Variants in PTPN3 observed in about 807,000 individuals in gnomAD.
The protein encoded by PTPN3 is tyrosine-protein phosphatase non-receptor type 3.
PTPN3 carries 96 observed loss-of-function variants against 132.7 expected under a neutral mutation model. The ratio of observed to expected loss-of-function variants is 0.72; its 90% CI spans 0.61 to 0.86. The LOEUF (loss-of-function observed/expected upper bound fraction) is 0.86, where lower values mean the gene tolerates loss of function less well. Among genes scored for constraint, PTPN3 ranks in the 40% least tolerant of loss-of-function variants. The pLI, the probability that PTPN3 is intolerant of heterozygous loss-of-function variation, is 0.00. For missense variants in PTPN3, 1,125 were observed against 1,159.6 expected, an observed-to-expected ratio of 0.97 and a Z score of 0.43; for synonymous variants, 398 against 429.0, an observed-to-expected ratio of 0.93 and a Z score of 0.89.
chr9:109,525,780 T>C, the PTPN3 span, among the ~76,000 whole-genome samples: 18 of 152,336 alleles, frequency 1.2e-4, no homozygotes, highest in East Asian at 1.9e-3. Flanking sequence ...TTTTGGGAGA[T>C]AGAAATTTTC....
intron 4 of PTPN3, among the ~76,000 whole-genome samples, chr9:109,456,093 G>T (rs372041317): frequency 7.9e-5 from 12 of 152,362 alleles, no homozygotes; most frequent in African/African-American, 2.6e-4. Context: ...GGGCAGCAGT[G>T]AGACGGGAGC....
At chr9:109,450,325 C>T (rs1014050023) in intron 5 of PTPN3, 2 of 985,184 alleles carry the variant, frequency 2.0e-6, no homozygotes, top group African/African-American at 3.5e-5. Flanking sequence ...TTTATCCAAG[C>T]TGACATTCAA....
intron 19 of PTPN3, among the ~76,000 whole-genome samples, chr9:109,396,352 G>A (rs909639140): frequency 6.6e-6 from 1 of 152,170 alleles, no homozygotes; most frequent in East Asian, 1.9e-4. Flanking sequence ...GCCAGAGTAT[G>A]AGACATGGCT....
At chr9:109,448,385 A>G (rs1588444483) in intron 6 of PTPN3, among the ~76,000 whole-genome samples, 1 of 152,324 alleles carries the variant, frequency 6.6e-6, no homozygotes, top group East Asian at 1.9e-4. Flanking sequence ...TCTTGGTAAC[A>G]CAAGAAGCAC....
the PTPN3 span, among the ~76,000 whole-genome samples, chr9:109,516,570 A>C: frequency 1.3e-5 from 2 of 152,128 alleles, no homozygotes; most frequent in Admixed American, 6.5e-5. Context: ...ATGAGGTGGA[A>C]ACTCAGGCAT....
intron 1 of PTPN3, among the ~76,000 whole-genome samples, chr9:109,464,113 G>A (rs2132050617): frequency 6.6e-6 from 1 of 152,294 alleles, no homozygotes; most frequent in East Asian, 1.9e-4. Flanking sequence ...GAACCCCTAT[G>A]ATTCAAGACT....
Position 109,408,792 on chromosome 9 carries a change from A to ATATATATATAT in PTPN3, c.1579-416_1579-415insATATATATATA, listed in dbSNP as rs1485415942. Among the ~76,000 whole-genome samples, 138 of 62,342 alleles carry ATATATATATAT rather than the reference A, an allele frequency of 2.2e-3. 3 individuals carry two copies. Among genetic ancestry groups the ATATATATATAT allele is most frequent in the South Asian group, 0.013 (26 of 1,944 alleles). 40.9% of individuals were successfully genotyped at this position (62,342 alleles called of 152,430 possible). A position where few individuals can be genotyped will look rare whatever the true frequency, so the allele number is the denominator to read the frequency against. ...GAACTTATAATAATTAAAAAAAAAAAAAAAATATATATATATATATATATA... is the reference window on the plus strand; with the variant it reads ...GAACTTATAATAATTAAAAAAAAAAATATATATATATAAAAATATATATATATATATATATA... On this transcript the variant is annotated intron_variant, in intron 16 of 25. Transcript: ENST00000374541.
chr9:109,523,227 G>A, the PTPN3 span, among the ~76,000 whole-genome samples: 10 of 151,770 alleles, frequency 6.6e-5, no homozygotes, highest in Admixed American at 3.3e-4. Flanking sequence ...CGATTCTCCT[G>A]CCTCAGCCTC....
In PTPN3 at chr9:109,425,976, T is replaced by C. The variant is rs1330429170; in HGVS notation, c.1001+974A>G. Among the ~76,000 whole-genome samples, 6 of 131,836 alleles carry C rather than the reference T, an allele frequency of 4.6e-5. No individual in the cohort carries two copies. The East Asian group carries it at 1.3e-3, about 29-fold the overall frequency. The allele number at this position is 131,836 out of a possible 152,430, so 86.5% of individuals were successfully genotyped here. ...TTGCAGTGAGCCAAGATGGCACCAC[T>C]ACACTCCAGGCTGGGTGACAGAGTA... On this transcript the variant is annotated intron_variant, in intron 12 of 25. Transcript: ENST00000374541.
At chr9:109,510,234 G>T in the PTPN3 span, among the ~76,000 whole-genome samples, 1 of 152,094 alleles carries the variant, frequency 6.6e-6, no homozygotes, top group Non-Finnish European at 1.5e-5. Context: ...GAACAGAAAT[G>T]AGTCATTATA....
chr9:109,396,962 T>C (rs955194723), intron 19 of PTPN3, among the ~76,000 whole-genome samples: 4 of 152,088 alleles, frequency 2.6e-5, no homozygotes, highest in Admixed American at 2.6e-4. Flanking sequence ...CAGCGGATGC[T>C]GGCAAGGCCC....
intron 1 of PTPN3, among the ~76,000 whole-genome samples, chr9:109,478,930 G>A (rs1037497692): frequency 3.9e-5 from 6 of 151,938 alleles, no homozygotes; most frequent in African/African-American, 7.3e-5. Context: ...TGCCAAAGAC[G>A]TGCTCCTCCC....
intron 1 of PTPN3, among the ~76,000 whole-genome samples, chr9:109,466,152 A>G (rs1299953916): frequency 6.6e-6 from 1 of 152,202 alleles, no homozygotes; most frequent in Non-Finnish European, 1.5e-5. Context: ...GCTTTTGCTC[A>G]TTGTACCTCC....
chr9:109,507,714 C>T, the PTPN3 span, among the ~76,000 whole-genome samples: 1 of 152,218 alleles, frequency 6.6e-6, no homozygotes, highest in Non-Finnish European at 1.5e-5. Flanking sequence ...ATCGTCTTCA[C>T]ATAAGGGGTG....
intron 1 of PTPN3, among the ~76,000 whole-genome samples, chr9:109,488,923 C>T (rs903877745): frequency 1.3e-5 from 2 of 152,166 alleles, no homozygotes; most frequent in Admixed American, 1.3e-4. Flanking sequence ...CCCAATGCCA[C>T]CTGCTTCCCT....
intron 4 of PTPN3, among the ~76,000 whole-genome samples, chr9:109,456,834 C>A (rs1845591520): frequency 6.6e-6 from 1 of 152,074 alleles, no homozygotes; most frequent in East Asian, 1.9e-4. Flanking sequence ...TGTCTATCTC[C>A]CTGTCTCTCT....
intron 23 of PTPN3, among the ~76,000 whole-genome samples, chr9:109,382,991 C>A (rs1839243081): frequency 2.0e-5 from 3 of 152,214 alleles, no homozygotes; most frequent in Non-Finnish European, 1.5e-5. Context: ...TTGGCAACCA[C>A]CGTTCTACTT....
chr9:109,445,150 G>C, intron 7 of PTPN3, 90 bp downstream of exon 7: 1 of 1,340,164 alleles, frequency 7.5e-7, no homozygotes, highest in East Asian at 2.3e-5. Flanking sequence ...GGGGAAGAGG[G>C]ACTTGGTCAA....
chr9:109,471,764 C>T (rs757775654), intron 1 of PTPN3, among the ~76,000 whole-genome samples: 8 of 152,034 alleles, frequency 5.3e-5, no homozygotes, highest in Non-Finnish European at 1.0e-4. Flanking sequence ...CTCAGGCATC[C>T]TAAGAAGCTG....
Sources: gnomAD v4.1 joint callset for allele counts (sites outside exome capture counted in the v4.1 genomes callset) on GRCh38, gnomAD v4.1.1 for gene constraint, MANE v1.5 for transcripts, NCBI Gene and HGNC (gene_info 2026-07-23, HGNC 2026-07-21) for gene names.